The following NOL4L variants were observed in gnomAD, a reference collection of about 807,000 sequenced individuals.
The protein encoded by NOL4L is nucleolar protein 4-like.
NOL4L carries 7 observed loss-of-function variants against 64.5 expected under a neutral mutation model. That is an observed-to-expected ratio of 0.11 (90% confidence interval 0.06 to 0.20). NOL4L has a LOEUF of 0.20. Ranked by LOEUF, NOL4L falls within the 10% of genes least tolerant of loss-of-function variation. NOL4L has a pLI of 1.00. For missense variants in NOL4L, 680 were observed against 967.1 expected, an observed-to-expected ratio of 0.70 and a Z score of 3.94; for synonymous variants, 413 against 401.0, an observed-to-expected ratio of 1.03 and a Z score of -0.36.
chr20:32,468,638 C>T (rs1054599153), intron 5 of NOL4L, among the ~76,000 whole-genome samples: 4 of 152,126 alleles, frequency 2.6e-5, no homozygotes, highest in Non-Finnish European at 2.9e-5. Context: ...CGGTGGCTCA[C>T]GCCTGTAATC....
chr20:32,474,099 G>A (rs2015219983), intron 5 of NOL4L, among the ~76,000 whole-genome samples: 1 of 152,204 alleles, frequency 6.6e-6, no homozygotes, highest in Admixed American at 6.5e-5. Context: ...GAAGAATCCG[G>A]ACAGCTCCCC....
intron 1 of NOL4L, among the ~76,000 whole-genome samples, chr20:32,574,874 G>C (rs866412326): frequency 6.6e-6 from 1 of 151,514 alleles, no homozygotes; most frequent in Admixed American, 6.6e-5. Context: ...TCCTGCCCCT[G>C]CGCCTTCACC....
intron 1 of NOL4L, among the ~76,000 whole-genome samples, chr20:32,575,230 C>T (rs1013982325): frequency 1.3e-5 from 2 of 152,096 alleles, no homozygotes; most frequent in Non-Finnish European, 2.9e-5. Flanking sequence ...TGGCCCCAAC[C>T]AATCTTGCCA....
At chr20:32,579,745 G>A (rs1284027143) in intron 1 of NOL4L, among the ~76,000 whole-genome samples, 1 of 152,140 alleles carries the variant, frequency 6.6e-6, no homozygotes, top group Admixed American at 6.5e-5. Flanking sequence ...GCCCCCCAGA[G>A]TTACCCAGGA....
intron 3 of NOL4L, chr20:32,519,366 C>T (rs552139176): frequency 6.6e-6 from 1 of 152,350 alleles, no homozygotes; most frequent in African/African-American, 2.4e-5. Context: ...TTGTTGTCTG[C>T]TCAGGCTTTG....
chr20:32,525,227 A>C (rs1436578363), intron 2 of NOL4L, among the ~76,000 whole-genome samples: 1 of 152,236 alleles, frequency 6.6e-6, no homozygotes, highest in Non-Finnish European at 1.5e-5. Flanking sequence ...CTGCCTTCCT[A>C]AACCGCCCAA....
At chr20:32,513,095 A>G (rs2017480760) in intron 3 of NOL4L, among the ~76,000 whole-genome samples, 2 of 152,178 alleles carry the variant, frequency 1.3e-5, no homozygotes, top group Non-Finnish European at 2.9e-5. Context: ...TTTAATCAAA[A>G]GGTGCCCCTG....
chr20:32,528,010 C>T, intron 1 of NOL4L, 97 bp from the exon 2 acceptor site: 1 of 1,050,002 alleles, frequency 9.5e-7, no homozygotes, highest in East Asian at 3.1e-5. Flanking sequence ...CGGGCAATGC[C>T]TCCGACAGTG....
intron 1 of NOL4L, among the ~76,000 whole-genome samples, chr20:32,538,222 A>G (rs1258866947): frequency 2.0e-5 from 3 of 152,174 alleles, no homozygotes; most frequent in African/African-American, 7.2e-5. Context: ...TGAGTCAGAG[A>G]TGGCCTGGGA....
chr20:32,525,780 CAG>C (rs957040707), intron 2 of NOL4L, among the ~76,000 whole-genome samples: 3 of 152,090 alleles, frequency 2.0e-5, no homozygotes, highest in Admixed American at 2.0e-4. Context: ...TTTTTGGAGA[CAG>C]AGTCTCACTC....
chr20:32,554,319 TCAA>T (rs1978510208), intron 1 of NOL4L, among the ~76,000 whole-genome samples: 1 of 51,586 alleles, frequency 1.9e-5, no homozygotes, highest in African/African-American at 2.0e-4. Flanking sequence ...AGACTCTGCC[TCAA>T]AAAAAAAAAA....
chr20:32,565,546 C>T (rs903351621), intron 1 of NOL4L, among the ~76,000 whole-genome samples: 6 of 152,224 alleles, frequency 3.9e-5, no homozygotes, highest in Admixed American at 3.9e-4. Flanking sequence ...ACCAGGACAG[C>T]CTGGTCTTAG....
At chr20:32,454,358 G>GC (rs777401878) in intron 6 of NOL4L, among the ~76,000 whole-genome samples, 5 of 152,300 alleles carry the variant, frequency 3.3e-5, no homozygotes, top group South Asian at 4.1e-4. Flanking sequence ...TCTCCTGTCT[G>GC]CCCCCCACCC....
chr20:32,528,022 G>T, intron 1 of NOL4L, 109 bp from the exon 2 acceptor site: 31 of 398,308 alleles, frequency 7.8e-5, no homozygotes, highest in Non-Finnish European at 1.0e-4. Context: ...CCGACAGTGG[G>T]TCTTGGGGTG....
rs192855100 is a variant in NOL4L, at chr20:32,520,938, G to A, written c.478-16C>T. 4,569 of 1,525,690 alleles carry A rather than the reference G, an allele frequency of 3.0e-3. 14 individuals are homozygous for A. The highest frequency in any genetic ancestry group is 3.5e-3 in the Non-Finnish European group (3,960 of 1,125,588). The allele number at this position is 1,525,690 out of a possible 1,614,324, so 94.5% of individuals were successfully genotyped here. A position where few individuals can be genotyped will look rare whatever the true frequency, so the allele number is the denominator to read the frequency against. ...TCTCTGCGATCTGGAGGAGAGAAGA[G>A]CTTCGCTTGTTATATGGATCTGTGG... On this transcript the variant is annotated splice_polypyrimidine_tract_variant and intron_variant, in intron 2 of 10. Coordinates refer to ENST00000621426, the MANE Select transcript of NOL4L (RefSeq NM_001256798.2).
At chr20:32,450,405 C>T (rs2012770972) in intron 10 of NOL4L, 1 of 152,272 alleles carries the variant, frequency 6.6e-6, no homozygotes, top group Non-Finnish European at 1.5e-5. Context: ...CAGGGGCTGC[C>T]CCAGGCAAGG....
chr20:32,580,746 TCA>T (rs1980415353), intron 1 of NOL4L, among the ~76,000 whole-genome samples: 1 of 152,168 alleles, frequency 6.6e-6, no homozygotes, highest in African/African-American at 2.4e-5. Flanking sequence ...TCTCTAGGCC[TCA>T]GTTTTCCCAT....
intron 1 of NOL4L, among the ~76,000 whole-genome samples, chr20:32,540,290 G>A (rs949653662): frequency 6.6e-6 from 1 of 152,218 alleles, no homozygotes; most frequent in African/African-American, 2.4e-5. Context: ...CAGTCAGTCT[G>A]ACAGAGCCAC....
chr20:32,584,522 C>G, intron 1 of NOL4L, 48 bp downstream of exon 1: 1 of 1,291,886 alleles, frequency 7.7e-7, no homozygotes, highest in East Asian at 3.2e-5. Flanking sequence ...CCCGCCTGCC[C>G]CAAGCCCCGC....
Sources: gnomAD v4.1 joint callset for allele counts (sites outside exome capture counted in the v4.1 genomes callset) on GRCh38, gnomAD v4.1.1 for gene constraint, MANE v1.5 for transcripts, NCBI Gene and HGNC (gene_info 2026-07-23, HGNC 2026-07-21) for gene names.